Variants in NCKAP1 observed in about 807,000 individuals in gnomAD.
NCKAP1 encodes nck-associated protein 1.
In NCKAP1, 21 loss-of-function variants were observed where a neutral mutation model predicts 151.2. The observed-to-expected ratio is 0.14, with a 90% CI of 0.10 to 0.20. NCKAP1 has a LOEUF of 0.20. NCKAP1 is among the 10% of genes least tolerant of loss of function. NCKAP1 has a pLI of 1.00. For missense variants in NCKAP1, 933 were observed against 1,352.1 expected (o/e 0.69, Z 4.86); for synonymous variants, 484 against 451.8 (o/e 1.07, Z -0.90).
At chr2:182,945,261 A>T (rs940891278) in intron 23 of NCKAP1, among the ~76,000 whole-genome samples, 1 of 150,922 alleles carries the variant, frequency 6.6e-6, no homozygotes, top group Non-Finnish European at 1.5e-5. Flanking sequence ...AAAAAAGCTT[A>T]AAAAAAAAGT....
At chr2:182,995,643 C>A in intron 7 of NCKAP1, 58 bp downstream of exon 7, 4 of 1,507,460 alleles carry the variant, frequency 2.7e-6, no homozygotes, top group Non-Finnish European at 3.6e-6. Flanking sequence ...CATTACTGAA[C>A]TATTATTTTT....
At chr2:182,997,829 T>C (rs1698299719) in intron 6 of NCKAP1, among the ~76,000 whole-genome samples, 1 of 152,038 alleles carries the variant, frequency 6.6e-6, no homozygotes. Flanking sequence ...ATTCTATGAG[T>C]CCAATATCAT....
rs1054371944 is a variant in NCKAP1, at chr2:182,918,382, G to A, written c.*7320C>T. The stretch of plus-strand genomic sequence containing the variant: ...TCAATATATCAAAAAAAATCTGCAT[G>A]TGTATATTTATTGCAGCACAATTCA... On this transcript the variant is annotated 3_prime_UTR_variant, in exon 31 of 31. Coordinates refer to ENST00000361354, the MANE Select transcript of NCKAP1 (RefSeq NM_013436.5). The A allele has an allele frequency of 1.2e-4, 19 of 152,120 alleles. No homozygotes were observed. Among genetic ancestry groups the A allele is most frequent in the African/African-American group, 4.6e-4 (19 of 41,444 alleles). 9.4% of individuals were successfully genotyped at this position (152,120 alleles called of 1,614,324 possible).
At chr2:182,967,482 TA>T in intron 15 of NCKAP1, 121 bp from the exon 16 acceptor site, 1 of 870,194 alleles carries the variant, frequency 1.1e-6, no homozygotes, top group Non-Finnish European at 1.8e-6. Context: ...ACACTGACAG[TA>T]ACATCTACTG....
At chr2:182,951,324 C>T (rs1697211127) in intron 23 of NCKAP1, among the ~76,000 whole-genome samples, 1 of 152,068 alleles carries the variant, frequency 6.6e-6, no homozygotes, top group South Asian at 2.1e-4. Context: ...ACTCTATGTG[C>T]TACATCTGAA....
intron 10 of NCKAP1, among the ~76,000 whole-genome samples, chr2:182,985,757 G>T (rs961946535): frequency 4.5e-4 from 67 of 150,052 alleles, no homozygotes; most frequent in African/African-American, 1.5e-3. Context: ...GAGCCGAGAT[G>T]GTATCACTGC....
At position 182,975,811 on chromosome 2, in the gene NCKAP1, G is replaced by A. The variant is rs981692106; in HGVS notation, c.1482+1082C>T. Among the ~76,000 whole-genome samples the A allele has an allele frequency of 5.9e-5, 9 of 152,136 alleles. No homozygotes were observed. In the East Asian group the frequency reaches 1.5e-3, roughly 26 times the overall value. ...TCCCAGCTATTCAGGAGGCTGATGT[G>A]GGAGCACTGCCTGAACATACGAGCC... On this transcript the variant is annotated intron_variant, in intron 15 of 30. Coordinates refer to ENST00000361354, the MANE Select transcript of NCKAP1 (RefSeq NM_013436.5).
intron 8 of NCKAP1, among the ~76,000 whole-genome samples, chr2:182,991,956 A>G (rs1447633711): frequency 6.6e-6 from 1 of 152,220 alleles, no homozygotes; most frequent in African/African-American, 2.4e-5. Flanking sequence ...CACAACTCTT[A>G]GCATCGGGCT....
intron 1 of NCKAP1, among the ~76,000 whole-genome samples, chr2:183,037,187 CA>C (rs921206631): frequency 2.3e-4 from 35 of 152,182 alleles, no homozygotes; most frequent in African/African-American, 8.4e-4. Context: ...TATAGTTGCT[CA>C]AATTATCAGA....
chr2:183,031,128 TAG>T (rs1698996629), intron 1 of NCKAP1, among the ~76,000 whole-genome samples: 1 of 152,174 alleles, frequency 6.6e-6, no homozygotes, highest in African/African-American at 2.4e-5. Context: ...TCTAAAAATA[TAG>T]AAATCACAGT....
At chr2:182,994,517 T>C (rs564053578) in intron 8 of NCKAP1, among the ~76,000 whole-genome samples, 1 of 152,118 alleles carries the variant, frequency 6.6e-6, no homozygotes, top group East Asian at 1.9e-4. Context: ...CGTGTGCCTG[T>C]TGTCCCGGCT....
intron 24 of NCKAP1, among the ~76,000 whole-genome samples, chr2:182,937,040 A>G (rs996645031): frequency 2.8e-5 from 4 of 143,746 alleles, no homozygotes; most frequent in African/African-American, 1.0e-4. Context: ...TCTTGAACCC[A>G]GGAGGCGGAG....
chr2:183,012,613 C>T (rs72888459), intron 2 of NCKAP1, among the ~76,000 whole-genome samples: 13,402 of 151,020 alleles, frequency 0.089, 728 homozygotes, highest in Non-Finnish European at 0.12. Context: ...TCACTCATCC[C>T]CTTACGCCTT....
At chr2:182,933,659 C>T (rs1205182330) in intron 26 of NCKAP1, among the ~76,000 whole-genome samples, 2 of 151,972 alleles carry the variant, frequency 1.3e-5, no homozygotes, top group Non-Finnish European at 2.9e-5. Context: ...AGGTGATCTG[C>T]CCACCTCGGC....
At chr2:182,995,381 G>A (rs1441117437) in intron 7 of NCKAP1, among the ~76,000 whole-genome samples, 1 of 151,918 alleles carries the variant, frequency 6.6e-6, no homozygotes, top group Non-Finnish European at 1.5e-5. Context: ...TTGTCTACTT[G>A]GTTCTACTTG....
At chr2:182,964,562 G>A in intron 17 of NCKAP1, 114 bp downstream of exon 17, 1 of 761,208 alleles carries the variant, frequency 1.3e-6, no homozygotes, top group Non-Finnish European at 2.0e-6. Flanking sequence ...GCATAGAGAT[G>A]TATTCGATGG....
chr2:183,038,374 C>T lies in NCKAP1; in HGVS notation c.-275G>A. The T allele has an allele frequency of 3.5e-6, 1 of 283,496 alleles. No homozygotes were observed. Among genetic ancestry groups the T allele is most frequent in the Non-Finnish European group, 6.4e-6 (1 of 155,404 alleles). The allele number at this position is 283,496 out of a possible 1,614,324, so 17.6% of individuals were successfully genotyped here. The stretch of plus-strand genomic sequence containing the variant: ...GCCCCCACCCCCGGCGCTCTCCGCC[C>T]CAGCCCCCAACGAGCCGCCTTCCCC... On this transcript the variant is annotated 5_prime_UTR_variant, in exon 1 of 31. Transcript: ENST00000361354.
intron 1 of NCKAP1, among the ~76,000 whole-genome samples, chr2:183,031,369 G>A (rs566882197): frequency 6.6e-5 from 10 of 152,258 alleles, no homozygotes; most frequent in African/African-American, 2.2e-4. Flanking sequence ...AGGTGTTTTT[G>A]CAGTTTTTTA....
intron 26 of NCKAP1, among the ~76,000 whole-genome samples, chr2:182,933,511 A>C (rs1438999514): frequency 6.7e-6 from 1 of 149,910 alleles, no homozygotes; most frequent in East Asian, 2.0e-4. Flanking sequence ...CTCCTGCCTC[A>C]CCCTCCCGAG....
Sources: gnomAD v4.1 joint callset for allele counts (sites outside exome capture counted in the v4.1 genomes callset) on GRCh38, gnomAD v4.1.1 for gene constraint, MANE v1.5 for transcripts, NCBI Gene and HGNC (gene_info 2026-07-23, HGNC 2026-07-21) for gene names.